TMEM114: variants seen among roughly 807,000 people sequenced by gnomAD.
TMEM114 encodes transmembrane protein 114.
In TMEM114, 6 loss-of-function variants were observed where a neutral mutation model predicts 6.2. That is an observed-to-expected ratio of 0.97 (90% CI 0.53 to 1.91). TMEM114 has a LOEUF of 1.91. TMEM114 is among the 40% of genes most tolerant of loss of function. The pLI, the probability that TMEM114 is intolerant of heterozygous loss-of-function variation, is 0.01. For synonymous variants in TMEM114, 104 were observed against 73.0 expected, an observed-to-expected ratio of 1.42 and a Z score of -2.16; for missense variants, 218 against 158.3, an observed-to-expected ratio of 1.38 and a Z score of -2.02.
downstream of TMEM114, among the ~76,000 whole-genome samples, chr16:8,536,708 A>G (rs1017346371): frequency 6.6e-6 from 1 of 151,502 alleles, no homozygotes; most frequent in Non-Finnish European, 1.5e-5. Context: ...TTTTGCTTCC[A>G]TGTTTTAATC....
intron 2 of TMEM114, among the ~76,000 whole-genome samples, chr16:8,564,217 GTT>G (rs1901425501): frequency 6.9e-6 from 1 of 144,088 alleles, no homozygotes; most frequent in Non-Finnish European, 1.5e-5. Context: ...GAATGAGTGA[GTT>G]AGTGAATGAG....
intron 2 of TMEM114, among the ~76,000 whole-genome samples, chr16:8,558,441 A>C (rs974879446): frequency 6.6e-6 from 1 of 151,858 alleles, no homozygotes; most frequent in Non-Finnish European, 1.5e-5. Context: ...GTATCTCTCC[A>C]TCCTCACATG....
At chr16:8,531,979 T>G in the TMEM114 span, 4 of 152,210 alleles carry the variant, frequency 2.6e-5, no homozygotes, top group African/African-American at 9.6e-5. Flanking sequence ...CTAGCTGTTT[T>G]TGTTTCCTAG....
At chr16:8,527,105 G>C in the TMEM114 span, among the ~76,000 whole-genome samples, 1 of 152,220 alleles carries the variant, frequency 6.6e-6, no homozygotes, top group Non-Finnish European at 1.5e-5. Flanking sequence ...TACTCAGGAG[G>C]CTGAGGCAGG....
chr16:8,541,932 A>G (rs565490212), intron 2 of TMEM114, among the ~76,000 whole-genome samples: 11 of 152,324 alleles, frequency 7.2e-5, no homozygotes, highest in South Asian at 4.1e-4. Flanking sequence ...CCAAGAACAA[A>G]GGGCTTAGAG....
chr16:8,563,406 T>C (rs540833300), intron 2 of TMEM114, among the ~76,000 whole-genome samples: 4 of 146,468 alleles, frequency 2.7e-5, no homozygotes, highest in East Asian at 3.9e-4. Flanking sequence ...AGTAAACGAG[T>C]GAGTTAATTA....
chr16:8,557,024 T>C (rs778530072), intron 2 of TMEM114, among the ~76,000 whole-genome samples: 22 of 152,048 alleles, frequency 1.4e-4, no homozygotes, highest in Non-Finnish European at 3.1e-4. Flanking sequence ...ATGGAAGAAA[T>C]AATGAATCGG....
At chr16:8,565,586 G>A (rs1468802187), downstream of TMEM114, among the ~76,000 whole-genome samples, 1 of 152,118 alleles carries the variant, frequency 6.6e-6, no homozygotes, top group African/African-American at 2.4e-5. Flanking sequence ...GGTTAGTCCA[G>A]CACACCTGGA....
chr16:8,589,047 AC>A (rs1902401722), intron 2 of TMEM114, among the ~76,000 whole-genome samples, 165 bp downstream of exon 2: 1 of 151,862 alleles, frequency 6.6e-6, no homozygotes, highest in South Asian at 2.1e-4. Flanking sequence ...ATCAGGAGAG[AC>A]CCTGCCCCCC....
chr16:8,561,350 T>G (rs1901192951), intron 2 of TMEM114, among the ~76,000 whole-genome samples: 1 of 152,234 alleles, frequency 6.6e-6, no homozygotes, highest in Non-Finnish European at 1.5e-5. Flanking sequence ...TACAACACAC[T>G]CTTCCCTGCC....
chr16:8,586,801 C>T (rs1332788649), intron 2 of TMEM114, among the ~76,000 whole-genome samples: 1 of 152,186 alleles, frequency 6.6e-6, no homozygotes, highest in African/African-American at 2.4e-5. Context: ...TGAGCCACCA[C>T]GCCTGGCCGA....
At chr16:8,548,160 G>A (rs937850521) in intron 2 of TMEM114, among the ~76,000 whole-genome samples, 1 of 152,106 alleles carries the variant, frequency 6.6e-6, no homozygotes, top group African/African-American at 2.4e-5. Flanking sequence ...CTAAGCTCCC[G>A]CCCCTATTAA....
At chr16:8,558,508 C>A (rs1316185418) in intron 2 of TMEM114, among the ~76,000 whole-genome samples, 1 of 152,176 alleles carries the variant, frequency 6.6e-6, no homozygotes, top group Admixed American at 6.5e-5. Context: ...CCCAATGTAA[C>A]TTCATCTTAA....
intron 2 of TMEM114, chr16:8,537,847 G>C (rs1461378733): frequency 6.6e-6 from 1 of 152,090 alleles, no homozygotes; most frequent in Non-Finnish European, 1.5e-5. Flanking sequence ...GAACAAGAAA[G>C]CTTATTGTGT....
At chr16:8,552,660 A>G (rs1436807062) in intron 2 of TMEM114, among the ~76,000 whole-genome samples, 1 of 151,196 alleles carries the variant, frequency 6.6e-6, no homozygotes, top group African/African-American at 2.4e-5. Flanking sequence ...TCTATGTACT[A>G]TTTTTGCCAC....
chr16:8,574,753 G>C (rs1901860197), intron 2 of TMEM114, among the ~76,000 whole-genome samples: 1 of 152,128 alleles, frequency 6.6e-6, no homozygotes, highest in Non-Finnish European at 1.5e-5. Flanking sequence ...AGGTTTCCCA[G>C]AGTTGGTGCA....
chr16:8,555,009 G>A (rs551907550), intron 2 of TMEM114, among the ~76,000 whole-genome samples: 1 of 152,224 alleles, frequency 6.6e-6, no homozygotes, highest in Non-Finnish European at 1.5e-5. Flanking sequence ...CAGAAGGTGA[G>A]GCAGCCTTCA....
chr16:8,529,613 C>T, the TMEM114 span, among the ~76,000 whole-genome samples: 1 of 152,018 alleles, frequency 6.6e-6, no homozygotes, highest in East Asian at 1.9e-4. Context: ...CACCCAGGAA[C>T]CTACATTGAT....
intron 2 of TMEM114, among the ~76,000 whole-genome samples, chr16:8,582,655 C>T (rs185148812): frequency 1.7e-4 from 26 of 152,224 alleles, no homozygotes; most frequent in Admixed American, 9.2e-4. Context: ...TTTGGGAGGC[C>T]GAGGCGGGTG....
Sources: gnomAD v4.1 joint callset for allele counts (sites outside exome capture counted in the v4.1 genomes callset) on GRCh38, gnomAD v4.1.1 for gene constraint, MANE v1.5 for transcripts, NCBI Gene and HGNC (gene_info 2026-07-23, HGNC 2026-07-21) for gene names.